MIER1: variants seen among roughly 807,000 people sequenced by gnomAD.
MIER1 encodes MIER1 transcriptional regulator, also known as mesoderm induction early response protein 1.
In MIER1, 40 loss-of-function variants were observed where a neutral mutation model predicts 75.7. The ratio of observed to expected loss-of-function variants is 0.53; its 90% CI spans 0.41 to 0.69. The LOEUF (loss-of-function observed/expected upper bound fraction) is 0.69, where lower values mean the gene tolerates loss of function less well. MIER1 is among the 30% of genes least tolerant of loss of function. The pLI is 0.00. For missense variants in MIER1, 574 were observed against 680.2 expected (o/e 0.84, Z 1.74); for synonymous variants, 213 against 223.4 (o/e 0.95, Z 0.42).
At chr1:66,971,578 T>C in intron 9 of MIER1, 77 bp from the exon 10 acceptor site, 1 of 752,192 alleles carries the variant, frequency 1.3e-6, no homozygotes, top group Non-Finnish European at 2.2e-6. Flanking sequence ...CACTGGATGT[T>C]TGAAAAACTT....
At chr1:66,976,554 T>A in intron 11 of MIER1, 41 bp from the exon 12 acceptor site, 2 of 1,528,084 alleles carry the variant, frequency 1.3e-6, no homozygotes, top group Non-Finnish European at 1.8e-6. Context: ...GTAACTTTGT[T>A]AAAAAGGAGA....
intron 2 of MIER1, among the ~76,000 whole-genome samples, chr1:66,934,352 C>G (rs191724815): frequency 6.6e-6 from 1 of 152,000 alleles, no homozygotes; most frequent in Non-Finnish European, 1.5e-5. Context: ...TAGACTGGAA[C>G]CCAGCCTTCT....
At chr1:66,926,104 G>T (rs1191353147) in intron 1 of MIER1, 38 bp from the exon 2 acceptor site, 1 of 1,511,490 alleles carries the variant, frequency 6.6e-7, no homozygotes, top group Non-Finnish European at 9.2e-7. Context: ...CATCGTTTCT[G>T]TCTCCTTGCT....
chr1:66,963,863 G>A (rs560984023), intron 8 of MIER1, among the ~76,000 whole-genome samples: 1 of 151,812 alleles, frequency 6.6e-6, no homozygotes, highest in East Asian at 1.9e-4. Context: ...AGCCAGTATC[G>A]CACCACTGCA....
chr1:66,930,294 G>T (rs1337985188), intron 2 of MIER1: 4 of 1,556,646 alleles, frequency 2.6e-6, no homozygotes, highest in East Asian at 5.0e-5. Context: ...CGGCAGAGAC[G>T]GCAGCGGCCG....
At chr1:66,946,891 T>C in intron 4 of MIER1, 1 of 985,270 alleles carries the variant, frequency 1.0e-6, no homozygotes, top group African/African-American at 1.7e-5. Flanking sequence ...TGTCTGGTTT[T>C]CTTTATCTTT....
chr1:66,959,771 T>C, intron 7 of MIER1, 28 bp downstream of exon 7: 4 of 1,133,258 alleles, frequency 3.5e-6, no homozygotes, highest in Non-Finnish European at 4.9e-6. Context: ...TTCCCAAAAT[T>C]TAGATAAATT....
At chr1:66,959,540 TTTGGTTAGAAATATC>T (rs1197975729) in intron 6 of MIER1, 124 bp from the exon 7 acceptor site, 1 of 465,102 alleles carries the variant, frequency 2.2e-6, no homozygotes, top group African/African-American at 2.0e-5. Context: ...GTGTTAATTA[TTTGGTTAGAAATATC>T]TTGGCTTAAT....
chr1:66,977,076 A>G (rs1664859177), intron 12 of MIER1, among the ~76,000 whole-genome samples: 2 of 151,980 alleles, frequency 1.3e-5, no homozygotes, highest in African/African-American at 4.8e-5. Context: ...TCTTAAATTC[A>G]GTTCCATTCA....
intron 8 of MIER1, among the ~76,000 whole-genome samples, chr1:66,969,347 C>T (rs1663088639): frequency 1.3e-5 from 2 of 151,802 alleles, no homozygotes; most frequent in East Asian, 1.9e-4. Flanking sequence ...AGATCGAGAA[C>T]CATCCTGGCT....
Position 66,981,829 on chromosome 1 carries a change from G to C in MIER1, c.1280G>C (p.Arg427Pro). Residue 427 changes from arginine (R) to proline (P), a missense_variant, in exon 13 of 14, where the codon CGA becomes CCA. By Grantham distance (103) the Arg-to-Pro change is moderately radical. This residue lies in a region of MIER1 where 101 missense variants were observed against 173.1 expected (regional missense o/e 0.58). Transcript: ENST00000401041. ...LDESESAASS[R>P]APSPPPTASN... ...GAAAGTGAAAGTGCTGCATCTAGTCGAGCACCATCCCCTCCCCCAACTGCA... is the reference window on the plus strand; with the variant it reads ...GAAAGTGAAAGTGCTGCATCTAGTCCAGCACCATCCCCTCCCCCAACTGCA... 6.2e-7 allele frequency: 1 copy of C among 1,613,966 alleles called. No individual in the cohort carries two copies. The highest frequency in any genetic ancestry group is 8.5e-7 in the Non-Finnish European group (1 of 1,179,918).
chr1:66,932,782 GA>G (rs1339256361), intron 2 of MIER1: 1 of 151,966 alleles, frequency 6.6e-6, no homozygotes, highest in East Asian at 1.9e-4. Flanking sequence ...ATCTGAGGGG[GA>G]AAACAGGTTA....
chr1:66,931,491 T>G (rs566203511), intron 2 of MIER1, among the ~76,000 whole-genome samples: 2 of 152,352 alleles, frequency 1.3e-5, no homozygotes, highest in South Asian at 2.1e-4. Context: ...ATTGCCATTT[T>G]CATGGTTTCA....
chr1:66,965,804 C>T (rs1192662835), intron 8 of MIER1, among the ~76,000 whole-genome samples: 1 of 152,164 alleles, frequency 6.6e-6, no homozygotes, highest in African/African-American at 2.4e-5. Flanking sequence ...CTCTCTTACT[C>T]CTTTCCCGGA....
At chr1:66,950,709 A>C (rs111538787) in intron 4 of MIER1, among the ~76,000 whole-genome samples, 1 of 151,964 alleles carries the variant, frequency 6.6e-6, no homozygotes, top group Non-Finnish European at 1.5e-5. Context: ...TATACACACA[A>C]ATTAATTATA....
chr1:66,944,275 A>G (rs1163387495), intron 3 of MIER1, among the ~76,000 whole-genome samples: 1 of 151,954 alleles, frequency 6.6e-6, no homozygotes, highest in Non-Finnish European at 1.5e-5. Flanking sequence ...TACATCTATT[A>G]ATGTCTAACC....
intron 2 of MIER1, chr1:66,932,698 A>C (rs1395961462): frequency 6.6e-6 from 1 of 152,172 alleles, no homozygotes; most frequent in African/African-American, 2.4e-5. Flanking sequence ...TTTTGATCAA[A>C]TAAATCTGAG....
At chr1:66,976,245 A>ACC (rs370748862) in intron 11 of MIER1, among the ~76,000 whole-genome samples, 18 of 151,138 alleles carry the variant, frequency 1.2e-4, no homozygotes, top group Middle Eastern at 3.2e-3. Flanking sequence ...CTCGTGATCC[A>ACC]CCCCCCTTGG....
intron 2 of MIER1, chr1:66,928,988 A>T: frequency 7.1e-7 from 1 of 1,402,954 alleles, no homozygotes; most frequent in Non-Finnish European, 1.0e-6. Flanking sequence ...CTTAGCAGCT[A>T]CTTCATATAT....
Sources: allele counts gnomAD v4.1 joint callset (sites outside exome capture counted in the v4.1 genomes callset), GRCh38; gene constraint gnomAD v4.1.1; regional missense constraint gnomAD v4.1.1; transcripts MANE v1.5; gene names NCBI Gene and HGNC (gene_info 2026-07-23, HGNC 2026-07-21).